Variants in CDH20 observed in about 807,000 individuals in gnomAD.
CDH20 encodes cadherin-20.
In CDH20, 29 loss-of-function variants were observed where a neutral mutation model predicts 74.2. The observed-to-expected ratio is 0.39, with a 90% CI of 0.29 to 0.53. The LOEUF is 0.53. CDH20 is among the 20% of genes least tolerant of loss of function. CDH20 has a pLI of 0.69. For synonymous variants in CDH20, 469 were observed against 405.4 expected, an observed-to-expected ratio of 1.16 and a Z score of -1.88; for missense variants, 988 against 1,048.3, an observed-to-expected ratio of 0.94 and a Z score of 0.79.
intron 1 of CDH20, among the ~76,000 whole-genome samples, chr18:61,471,580 C>T (rs1910177861): frequency 6.6e-6 from 1 of 152,236 alleles, no homozygotes; most frequent in South Asian, 2.1e-4. Context: ...ATGGATGAAT[C>T]ATTAGAGAAT....
chr18:61,341,352 C>T (rs1457685631), intron 1 of CDH20, among the ~76,000 whole-genome samples: 1 of 152,072 alleles, frequency 6.6e-6, no homozygotes, highest in African/African-American at 2.4e-5. Context: ...CTGGGGTCCC[C>T]CTTTTTTTAA....
At chr18:61,546,283 ATTAC>A (rs1263708232) in intron 10 of CDH20, among the ~76,000 whole-genome samples, 1 of 152,244 alleles carries the variant, frequency 6.6e-6, no homozygotes, top group Non-Finnish European at 1.5e-5. Flanking sequence ...GATTAAAAGT[ATTAC>A]TTCAACCCCA....
intron 1 of CDH20, among the ~76,000 whole-genome samples, chr18:61,340,114 T>A (rs563300772): frequency 2.6e-5 from 4 of 152,056 alleles, no homozygotes; most frequent in Non-Finnish European, 2.9e-5. Context: ...CTCCTACTTA[T>A]CTGTTCCTGC....
At chr18:61,504,213 G>A (rs944276463) in intron 5 of CDH20, among the ~76,000 whole-genome samples, 4 of 152,208 alleles carry the variant, frequency 2.6e-5, no homozygotes, top group African/African-American at 9.7e-5. Flanking sequence ...GGAGGGGTTG[G>A]CAAGGGCAGA....
At chr18:61,497,911 G>A (rs572355137) in intron 2 of CDH20, among the ~76,000 whole-genome samples, 1 of 152,226 alleles carries the variant, frequency 6.6e-6, no homozygotes, top group East Asian at 1.9e-4. Flanking sequence ...CAATGGAGTG[G>A]CTGACTAAAT....
chr18:61,496,018 C>T (rs1200363424), intron 2 of CDH20, among the ~76,000 whole-genome samples: 13 of 136,614 alleles, frequency 9.5e-5, no homozygotes, highest in Admixed American at 2.1e-4. Flanking sequence ...TCCCCTCCAC[C>T]CTTCCTCTCC....
At chr18:61,387,128 A>G (rs1457855988) in intron 1 of CDH20, among the ~76,000 whole-genome samples, 3 of 152,174 alleles carry the variant, frequency 2.0e-5, no homozygotes, top group African/African-American at 7.2e-5. Flanking sequence ...TCATCCATAC[A>G]TCTATTCAAC....
Position 61,450,675 on chromosome 18 carries a change from A to G in CDH20, c.-152-39727A>G, listed in dbSNP as rs1909356230. Reference sequence around the variant, plus strand: ...ACATATCCTTCCAGATTTTCTGTACACATATATGTACATGTATAGAGATAT... The same window carrying G: ...ACATATCCTTCCAGATTTTCTGTACGCATATATGTACATGTATAGAGATAT... On this transcript the variant is annotated intron_variant, in intron 1 of 11. Transcript: ENST00000262717. Among the ~76,000 whole-genome samples the G allele has an allele frequency of 3.3e-5, 5 of 152,084 alleles. No individual in the cohort carries two copies. The South Asian group carries it at 1.0e-3, about 31-fold the overall frequency.
intron 6 of CDH20, among the ~76,000 whole-genome samples, chr18:61,522,832 T>A (rs556333789): frequency 6.6e-6 from 1 of 152,316 alleles, no homozygotes; most frequent in South Asian, 2.1e-4. Flanking sequence ...TCCTAGTTAA[T>A]AAATGATGTT....
chr18:61,369,820 C>T (rs572620691), intron 1 of CDH20, among the ~76,000 whole-genome samples: 62 of 152,170 alleles, frequency 4.1e-4, no homozygotes, highest in African/African-American at 1.4e-3. Flanking sequence ...GAACAGAAAA[C>T]CAAATACCAC....
intron 1 of CDH20, among the ~76,000 whole-genome samples, chr18:61,420,515 C>T (rs1912838981): frequency 6.6e-6 from 1 of 152,222 alleles, no homozygotes; most frequent in Non-Finnish European, 1.5e-5. Context: ...CCACAGTCTA[C>T]CAAATTAGTA....
intron 1 of CDH20, among the ~76,000 whole-genome samples, chr18:61,473,624 G>A (rs1910264851): frequency 6.6e-6 from 1 of 152,140 alleles, no homozygotes; most frequent in East Asian, 1.9e-4. Context: ...AATTTTAACT[G>A]GTAATGCAGT....
At chr18:61,526,386 G>A (rs1912415926) in intron 6 of CDH20, among the ~76,000 whole-genome samples, 1 of 151,868 alleles carries the variant, frequency 6.6e-6, no homozygotes, top group African/African-American at 2.4e-5. Flanking sequence ...TTTCTGAAAA[G>A]CCAAGCAGTT....
Position 61,554,611 on chromosome 18 carries a change from C to A in CDH20, c.2322C>A (p.Phe774Leu), listed in dbSNP as rs1273686501. 6.2e-7 allele frequency: 1 copy of A among 1,607,858 alleles called. No homozygotes were observed. The highest frequency in any genetic ancestry group is 1.3e-5 in the African/African-American group (1 of 74,876). Residue 774 changes from phenylalanine to leucine, a missense_variant, in exon 12 of 12, where the codon TTC becomes TTA. Transcript: ENST00000262717. ...CCACGTCGGACTCGGAACAGAGCTT[C>A]GACTTCCTGACGGACTGGGGGCCCC... ...QSATSDSEQS[F>L]DFLTDWGPRF...
intron 1 of CDH20, chr18:61,391,702 T>C (rs1358563104): frequency 6.6e-6 from 1 of 152,092 alleles, no homozygotes; most frequent in Non-Finnish European, 1.5e-5. Flanking sequence ...TTCCATATTT[T>C]TACAAACCTG....
rs537911593 is a variant in CDH20, at chr18:61,353,654, T to C, written c.-153+19827T>C. ...CCCTCAAATGTAACGGACCACCACC[T>C]ATCAAATGCCCTTCGACCAACTCCA... is the stretch of plus-strand genomic sequence containing the variant. On this transcript the variant is annotated intron_variant, in intron 1 of 11. Coordinates refer to ENST00000262717, the MANE Select transcript of CDH20 (RefSeq NM_031891.4). This position sits in a 1 kb window ranked among gnomAD's most constrained non-coding sequence, Gnocchi z 4.6. Among the ~76,000 whole-genome samples the C allele has an allele frequency of 2.4e-4, 36 of 152,336 alleles. No homozygotes were observed. In the South Asian group the frequency reaches 7.5e-3, roughly 32 times the overall value.
chr18:61,344,840 T>A (rs1910064137), intron 1 of CDH20, among the ~76,000 whole-genome samples: 1 of 152,168 alleles, frequency 6.6e-6, no homozygotes, highest in African/African-American at 2.4e-5. Context: ...AAAATTCCAA[T>A]GGTCAAGGGT....
intron 6 of CDH20, among the ~76,000 whole-genome samples, chr18:61,513,021 G>T (rs527352277): frequency 1.3e-5 from 2 of 151,984 alleles, no homozygotes; most frequent in Non-Finnish European, 2.9e-5. Context: ...TATTAGGTCC[G>T]CTTGGTGCAG....
chr18:61,335,788 T>C (rs1021335505), intron 1 of CDH20, among the ~76,000 whole-genome samples: 2 of 152,260 alleles, frequency 1.3e-5, no homozygotes, highest in Non-Finnish European at 2.9e-5. Flanking sequence ...AAAAGTTTGC[T>C]ACACTGCAGG....
Sources: allele counts gnomAD v4.1 joint callset (sites outside exome capture counted in the v4.1 genomes callset), GRCh38; gene constraint gnomAD v4.1.1; non-coding constraint Gnocchi (gnomAD v3.1); transcripts MANE v1.5; gene names NCBI Gene and HGNC (gene_info 2026-07-23, HGNC 2026-07-21).